The following HSD3B2 variants were observed in gnomAD, a reference collection of about 807,000 sequenced individuals.
HSD3B2 encodes hydroxy-delta-5-steroid dehydrogenase, 3 beta- and steroid delta-isomerase 2.
In HSD3B2, 8 loss-of-function variants were observed where a neutral mutation model predicts 9.9. That is an observed-to-expected ratio of 0.81 (90% CI 0.47 to 1.46). The LOEUF (loss-of-function observed/expected upper bound fraction) is 1.46, where lower values mean the gene tolerates loss of function less well. HSD3B2 is among the 40% of genes most tolerant of loss of function. The pLI, the probability that HSD3B2 is intolerant of heterozygous loss-of-function variation, is 0.00. For missense variants in HSD3B2, 410 were observed against 448.3 expected (o/e 0.91, Z 0.77); for synonymous variants, 221 against 184.5 (o/e 1.20, Z -1.60).
At chr1:119,421,377 GTA>G (rs776059987) in intron 3 of HSD3B2, among the ~76,000 whole-genome samples, 2 of 133,132 alleles carry the variant, frequency 1.5e-5, no homozygotes, top group African/African-American at 2.9e-5. Context: ...AAGTGTGTGT[GTA>G]TATATATATA....
intron 2 of HSD3B2, among the ~76,000 whole-genome samples, chr1:119,416,511 C>T (rs1022528028): frequency 1.3e-5 from 2 of 152,174 alleles, no homozygotes; most frequent in African/African-American, 4.8e-5. Flanking sequence ...TAGCAGAGCT[C>T]AGACCAGAGC....
At chr1:119,417,728 G>A (rs922583634) in intron 2 of HSD3B2, among the ~76,000 whole-genome samples, 3 of 152,160 alleles carry the variant, frequency 2.0e-5, no homozygotes, top group East Asian at 1.9e-4. Flanking sequence ...TCTGAATTTC[G>A]CTCTCACTGT....
intron 3 of HSD3B2, among the ~76,000 whole-genome samples, chr1:119,421,441 G>GTA (rs1317983138): frequency 3.0e-4 from 5 of 16,446 alleles, no homozygotes; most frequent in South Asian, 5.0e-3. Flanking sequence ...ATATATATAT[G>GTA]TATATATATA....
intron 3 of HSD3B2, chr1:119,419,807 T>C (rs981100850): frequency 1.9e-6 from 1 of 537,404 alleles, no homozygotes; most frequent in Non-Finnish European, 3.4e-6. Flanking sequence ...GCCCCAAAAG[T>C]AAGTAAGTAA....
intron 3 of HSD3B2, among the ~76,000 whole-genome samples, chr1:119,421,431 ATATATATATG>A (rs1188228920): frequency 7.6e-4 from 24 of 31,422 alleles, no homozygotes; most frequent in African/African-American, 3.7e-3. Context: ...ATATATGTAT[ATATATATATG>A]TATATATATA....
At chr1:119,418,540 T>A (rs892665282) in intron 2 of HSD3B2, among the ~76,000 whole-genome samples, 3 of 152,078 alleles carry the variant, frequency 2.0e-5, no homozygotes, top group African/African-American at 7.2e-5. Context: ...GGCTTTCTCA[T>A]TTCCCCTATA....
chr1:119,419,292 A>C, intron 2 of HSD3B2, 126 bp from the exon 3 acceptor site: 1 of 834,008 alleles, frequency 1.2e-6, no homozygotes, highest in Non-Finnish European at 2.0e-6. Context: ...TATGGAATGT[A>C]GTACACCCTC....
Position 119,415,864 on chromosome 1 carries a change from T to C in HSD3B2, c.142+303T>C, listed in dbSNP as rs374646320. On this transcript the variant is annotated intron_variant, in intron 2 of 3. Coordinates refer to ENST00000369416, the MANE Select transcript of HSD3B2 (RefSeq NM_000198.4). ...TTCTCCTTCTTGTCTACAACTCTTA[T>C]GTTCTGAAGCTTTTTGTCTTGGCGA... 9.0e-4 allele frequency among the ~76,000 whole-genome samples: 137 copies of C among 152,306 alleles called. 1 individual carries two copies. The South Asian group carries it at 0.011, about 12-fold the overall frequency.
At chr1:119,415,106 A>T (rs1651667645), upstream of HSD3B2, 1 of 390,922 alleles carries the variant, frequency 2.6e-6, no homozygotes, top group Non-Finnish European at 4.9e-6. Context: ...AAGGGCTGAG[A>T]CACAAGCCAC....
At chr1:119,419,881 C>A (rs781557171) in intron 3 of HSD3B2, 13 of 393,164 alleles carry the variant, frequency 3.3e-5, no homozygotes, top group Non-Finnish European at 5.3e-5. Context: ...GCTCTTTCTA[C>A]TGTGGCCCCA....
intron 2 of HSD3B2, among the ~76,000 whole-genome samples, chr1:119,415,898 C>T (rs976834091): frequency 2.0e-5 from 3 of 152,100 alleles, no homozygotes; most frequent in Admixed American, 6.6e-5. Context: ...GATTGCTGTG[C>T]GACATTCACA....
At chr1:119,421,466 TATATATATATGTATATATATA>T (rs1651869289) in intron 3 of HSD3B2, among the ~76,000 whole-genome samples, 1 of 6,298 alleles carries the variant, frequency 1.6e-4, no homozygotes, top group African/African-American at 6.1e-4. Flanking sequence ...TATATATATG[TATATATATATGTATATATATA>T]TTTTATAATA....
In HSD3B2 at chr1:119,419,462, C is replaced by G. The variant is rs1341258016; in HGVS notation, c.187C>G (p.Leu63Val). 6.2e-7 allele frequency: 1 copy of G among 1,613,772 alleles called. No individual in the cohort carries two copies. Among genetic ancestry groups the G allele is most frequent in the Non-Finnish European group, 8.5e-7 (1 of 1,179,778 alleles). Residue 63 changes from leucine (L) to valine (V), a missense_variant, in exon 3 of 4, where the codon CTG becomes GTG. Physicochemically the swap from Leu to Val is conservative, Grantham distance 32. Transcript: ENST00000369416. ...TKLTVLEGDI[L>V]DEPFLKRACQ... ...GCTGACTGTACTTGAAGGAGACATT[C>G]TGGATGAGCCATTCCTGAAAAGAGC...
rs150273916 is a variant in HSD3B2, at chr1:119,419,147, A to G, written c.143-271A>G. On this transcript the variant is annotated intron_variant, in intron 2 of 3. Transcript: ENST00000369416. ...GTCTCCCATGACTCTAGCAATGCTT[A>G]TATTTCACGGATGTGTGACAATTCA... Among the ~76,000 whole-genome samples the G allele has an allele frequency of 3.2e-3, 493 of 152,320 alleles. 1 individual carries two copies. The highest frequency in any genetic ancestry group is 0.011 in the African/African-American group (455 of 41,574).
In HSD3B2 at chr1:119,422,419, A is replaced by G. The variant is rs2101350660; in HGVS notation, c.918A>G (p.Pro306=). The part of the protein sequence containing the change: ...LLEVVSFLLS[P]IYSYQPPFNR... ...AAGTAGTGAGCTTCCTACTCAGCCC[A>G]ATTTACTCCTATCAACCCCCCTTCA... Residue 306 remains proline, a synonymous_variant, in exon 4 of 4, where the codon CCA becomes CCG. Coordinates refer to ENST00000369416, the MANE Select transcript of HSD3B2 (RefSeq NM_000198.4). The G allele has an allele frequency of 6.2e-7, 1 of 1,614,100 alleles. No individual in the cohort carries two copies. The highest frequency in any genetic ancestry group is 8.5e-7 in the Non-Finnish European group (1 of 1,180,004).
intron 2 of HSD3B2, among the ~76,000 whole-genome samples, chr1:119,418,592 G>A (rs1050849466): frequency 6.6e-6 from 1 of 151,098 alleles, no homozygotes; most frequent in African/African-American, 2.4e-5. Context: ...AACTTCCTAC[G>A]CCACAACTCT....
intron 2 of HSD3B2, among the ~76,000 whole-genome samples, chr1:119,416,423 G>A (rs1158698404): frequency 6.6e-6 from 1 of 152,042 alleles, no homozygotes; most frequent in Non-Finnish European, 1.5e-5. Flanking sequence ...GTAGAAAAGG[G>A]GTCACCTCCA....
At position 119,420,674 on chromosome 1, in the gene HSD3B2, T is replaced by A. The variant is rs1232915307; in HGVS notation, c.307+1092T>A. Among the ~76,000 whole-genome samples, 3 of 152,296 alleles carry A rather than the reference T, an allele frequency of 2.0e-5. No individual in the cohort carries two copies. In the East Asian group the frequency reaches 5.8e-4, roughly 29 times the overall value. ...AGGCTGTCTCTCCAGAAACTCAAAT[T>A]GCACAGAGACTTTAAAAGTGGCTAA... On this transcript the variant is annotated intron_variant, in intron 3 of 3. Transcript: ENST00000369416.
rs1651673703 is a variant in HSD3B2 at position 119,415,364 on chromosome 1, TC to T, written c.-55del. On this transcript the variant is annotated 5_prime_UTR_variant, in exon 2 of 4. Coordinates refer to ENST00000369416, the MANE Select transcript of HSD3B2 (RefSeq NM_000198.4). ...TGGGTCACGCTAGAATCAGATCTGC[TC>T]TCCAGCATCTTCTGTTTCCTGGCAA... The T allele has an allele frequency of 1.3e-6, 2 of 1,593,442 alleles. No homozygotes were observed. Among genetic ancestry groups the T allele is most frequent in the African/African-American group, 2.7e-5 (2 of 74,632 alleles).
Sources: gnomAD v4.1 joint callset for allele counts (sites outside exome capture counted in the v4.1 genomes callset) on GRCh38, gnomAD v4.1.1 for gene constraint, MANE v1.5 for transcripts, NCBI Gene and HGNC (gene_info 2026-07-23, HGNC 2026-07-21) for gene names.